ST6GALNAC3: variants seen among roughly 807,000 people sequenced by gnomAD.
ST6GALNAC3 encodes ST6 N-acetylgalactosaminide alpha-2,6-sialyltransferase 3.
Under a neutral mutation model 32.7 loss-of-function variants are expected in ST6GALNAC3, and 25 were observed. The ratio of observed to expected loss-of-function variants is 0.76; its 90% confidence interval spans 0.56 to 1.07. The LOEUF (loss-of-function observed/expected upper bound fraction) is 1.07, where lower values mean the gene tolerates loss of function less well. Among genes scored for constraint, ST6GALNAC3 ranks in the 50% least tolerant of loss-of-function variants. The probability of loss-of-function intolerance (pLI) is 0.00; values close to 1 mark genes in which losing one functional copy is unlikely to be tolerated. For missense variants in ST6GALNAC3, 355 were observed against 382.4 expected (o/e 0.93, Z 0.60); for synonymous variants, 129 against 133.1 (o/e 0.97, Z 0.21).
At chr1:76,533,583 C>A (rs1342077215) in intron 3 of ST6GALNAC3, among the ~76,000 whole-genome samples, 4 of 152,094 alleles carry the variant, frequency 2.6e-5, no homozygotes, top group African/African-American at 9.7e-5. Flanking sequence ...CACATAGTTA[C>A]CCATATTTCT....
chr1:76,112,192 C>A (rs552969791), intron 1 of ST6GALNAC3, among the ~76,000 whole-genome samples: 1 of 139,090 alleles, frequency 7.2e-6, no homozygotes, highest in African/African-American at 2.8e-5. Flanking sequence ...TAGGGGCGGC[C>A]GGGCAGAGGC....
At chr1:76,506,099 G>A (rs1046717577) in intron 3 of ST6GALNAC3, among the ~76,000 whole-genome samples, 4 of 152,176 alleles carry the variant, frequency 2.6e-5, no homozygotes, top group Non-Finnish European at 5.9e-5. Flanking sequence ...TGAAATGGAG[G>A]CTGTGAGATC....
At chr1:76,238,791 A>C (rs1656803197) in intron 1 of ST6GALNAC3, among the ~76,000 whole-genome samples, 3 of 152,166 alleles carry the variant, frequency 2.0e-5, no homozygotes, top group Admixed American at 6.5e-5. Context: ...TCGGGCAGGA[A>C]ATATCACATG....
chr1:76,483,771 G>A (rs1659901817), intron 3 of ST6GALNAC3, among the ~76,000 whole-genome samples: 1 of 152,144 alleles, frequency 6.6e-6, no homozygotes, highest in Non-Finnish European at 1.5e-5. Context: ...ATTGCTCTTT[G>A]TGTTTTAGAC....
At chr1:76,283,784 T>C (rs555652387) in intron 1 of ST6GALNAC3, among the ~76,000 whole-genome samples, 29 of 152,372 alleles carry the variant, frequency 1.9e-4, no homozygotes, top group African/African-American at 6.7e-4. Flanking sequence ...AGTGTTTTCA[T>C]TGCAATTGTT....
At chr1:76,501,299 C>A (rs1661161672) in intron 3 of ST6GALNAC3, among the ~76,000 whole-genome samples, 1 of 152,180 alleles carries the variant, frequency 6.6e-6, no homozygotes, top group South Asian at 2.1e-4. Context: ...GGAGCCATCA[C>A]CAAAGCCCTG....
chr1:76,589,448 C>T (rs561067687), intron 3 of ST6GALNAC3, among the ~76,000 whole-genome samples: 10 of 152,064 alleles, frequency 6.6e-5, no homozygotes, highest in South Asian at 2.1e-4. Flanking sequence ...ACAGGACAAA[C>T]GTGCCCTGAC....
At chr1:76,136,328 C>T (rs1256205373) in intron 1 of ST6GALNAC3, among the ~76,000 whole-genome samples, 1 of 152,152 alleles carries the variant, frequency 6.6e-6, no homozygotes, top group Admixed American at 6.5e-5. Context: ...CTTTGATGTA[C>T]AGCTTACAAA....
chr1:76,457,804 C>T (rs1216413233), intron 3 of ST6GALNAC3, among the ~76,000 whole-genome samples: 9 of 151,326 alleles, frequency 5.9e-5, no homozygotes, highest in South Asian at 2.1e-4. Flanking sequence ...TAGGCATTAC[C>T]ATTCAGGACA....
intron 1 of ST6GALNAC3, among the ~76,000 whole-genome samples, chr1:76,144,181 C>T (rs546377610): frequency 3.2e-4 from 49 of 152,142 alleles, no homozygotes; most frequent in African/African-American, 1.2e-3. Flanking sequence ...GCTTCTGGCA[C>T]AGAATGAGAA....
At chr1:76,526,151 T>C (rs531349417) in intron 3 of ST6GALNAC3, among the ~76,000 whole-genome samples, 1 of 151,960 alleles carries the variant, frequency 6.6e-6, no homozygotes, top group African/African-American at 2.4e-5. Context: ...TGCCTATCTC[T>C]CCAGGACGAC....
At chr1:76,103,370 T>C (rs1647317437) in intron 1 of ST6GALNAC3, among the ~76,000 whole-genome samples, 1 of 152,172 alleles carries the variant, frequency 6.6e-6, no homozygotes, top group African/African-American at 2.4e-5. Context: ...TCCTGTAGTG[T>C]CTTATCCTGT....
At chr1:76,265,550 C>T (rs1658480576) in intron 1 of ST6GALNAC3, among the ~76,000 whole-genome samples, 1 of 152,138 alleles carries the variant, frequency 6.6e-6, no homozygotes, top group Non-Finnish European at 1.5e-5. Context: ...TATTTCCCCT[C>T]AGCTCTTTAT....
chr1:76,562,016 C>A (rs980721205), intron 3 of ST6GALNAC3, among the ~76,000 whole-genome samples: 5 of 152,102 alleles, frequency 3.3e-5, no homozygotes, highest in African/African-American at 1.2e-4. Flanking sequence ...TTATATAATT[C>A]TATTTATATG....
At chr1:76,172,957 A>G (rs2100427273) in intron 1 of ST6GALNAC3, among the ~76,000 whole-genome samples, 1 of 152,310 alleles carries the variant, frequency 6.6e-6, no homozygotes, top group South Asian at 2.1e-4. Flanking sequence ...ACTACCATTG[A>G]TATTCTTCAC....
chr1:76,605,954 T>TA lies in ST6GALNAC3; in HGVS notation c.624-21492dup, dbSNP rs200158675. On this transcript the variant is annotated intron_variant, in intron 3 of 4. Transcript: ENST00000328299. ...GACTTTTATGTGGCCAAAAACCATG[T>TA]AAAAAACAGTTCAACATCACTGATC... Among the ~76,000 whole-genome samples, 160 of 144,790 alleles carry TA rather than the reference T, an allele frequency of 1.1e-3. 1 individual carries two copies. The East Asian group carries it at 0.03, about 28-fold the overall frequency. 95.0% of individuals were successfully genotyped at this position (144,790 alleles called of 152,430 possible).
chr1:76,344,074 T>C (rs1029796521), intron 2 of ST6GALNAC3, among the ~76,000 whole-genome samples: 9 of 152,308 alleles, frequency 5.9e-5, no homozygotes, highest in Middle Eastern at 3.4e-3. Flanking sequence ...TGAACAAATA[T>C]GCAGTTGAGT....
intron 3 of ST6GALNAC3, among the ~76,000 whole-genome samples, chr1:76,552,478 G>C (rs1377970506): frequency 1.3e-5 from 2 of 152,110 alleles, no homozygotes; most frequent in African/African-American, 4.8e-5. Context: ...CCTCTTTGTG[G>C]AGGAGGTGAG....
At chr1:76,316,160 A>T (rs998773977) in intron 2 of ST6GALNAC3, among the ~76,000 whole-genome samples, 3 of 152,158 alleles carry the variant, frequency 2.0e-5, no homozygotes, top group African/African-American at 7.2e-5. Flanking sequence ...AACAACAGAT[A>T]CTATTGTATA....
Sources: gnomAD v4.1 joint callset for allele counts (sites outside exome capture counted in the v4.1 genomes callset) on GRCh38, gnomAD v4.1.1 for gene constraint, MANE v1.5 for transcripts, NCBI Gene and HGNC (gene_info 2026-07-23, HGNC 2026-07-21) for gene names.